FAM227B: variants seen among roughly 807,000 people sequenced by gnomAD.
The protein encoded by FAM227B is family with sequence similarity 227 member B.
A neutral mutation model predicts 73.8 loss-of-function variants in FAM227B; 88 were observed. The ratio of observed to expected loss-of-function variants is 1.19; its 90% CI spans 1.00 to 1.42. The LOEUF is 1.42. Ranked by LOEUF, FAM227B falls within the 40% of genes most tolerant of loss-of-function variation. The pLI is 0.00. For missense variants in FAM227B, 632 were observed against 590.9 expected (o/e 1.07, Z -0.72); for synonymous variants, 210 against 190.5 (o/e 1.10, Z -0.84).
In FAM227B at chr15:49,564,819, T is replaced by C. The variant is rs71467693; in HGVS notation, c.747+3426A>G. ...CATATAGATATAAAGATGAGAACAATAGACACTGGGGACTACTAGATAGAA... is the reference window on the plus strand; with the variant it reads ...CATATAGATATAAAGATGAGAACAACAGACACTGGGGACTACTAGATAGAA... On this transcript the variant is annotated intron_variant, in intron 9 of 15. Coordinates refer to ENST00000299338, the MANE Select transcript of FAM227B (RefSeq NM_152647.3). Among the ~76,000 whole-genome samples the C allele has an allele frequency of 4.5e-3, 683 of 151,804 alleles. 4 individuals carry two copies. The highest frequency in any genetic ancestry group is 9.7e-3 in the Admixed American group (148 of 15,218).
chr15:49,365,666 A>G, intron 13 of FAM227B: 1 of 1,044,380 alleles, frequency 9.6e-7, no homozygotes, highest in South Asian at 1.3e-5. Context: ...AGTATCACAC[A>G]TGACTTGAAG....
chr15:49,371,611 TATTCATTTATAAATAAATGAAATAAA>T (rs2045811217), intron 11 of FAM227B, among the ~76,000 whole-genome samples: 1 of 151,604 alleles, frequency 6.6e-6, no homozygotes, highest in Admixed American at 6.6e-5. Context: ...TTATTGTAAA[TATTCATTTATAAATAAATGAAATAAA>T]ATTCACTTAT....
At chr15:49,481,422 G>A (rs2055932840) in intron 11 of FAM227B, among the ~76,000 whole-genome samples, 1 of 152,180 alleles carries the variant, frequency 6.6e-6, no homozygotes, top group African/African-American at 2.4e-5. Flanking sequence ...CTGCAATGAA[G>A]TTGTAGTTAC....
chr15:49,331,909 T>A, intron 14 of FAM227B, 60 bp from the exon 15 acceptor site: 1 of 930,520 alleles, frequency 1.1e-6, no homozygotes, highest in Non-Finnish European at 1.8e-6. Context: ...TGACACCATC[T>A]AAATAGCCAA....
intron 10 of FAM227B, among the ~76,000 whole-genome samples, chr15:49,521,761 A>G (rs922435322): frequency 8.5e-5 from 13 of 152,066 alleles, no homozygotes; most frequent in African/African-American, 2.9e-4. Flanking sequence ...AAAGAACAGA[A>G]TCTATTTTAA....
chr15:49,590,420 T>G (rs1263736580), intron 3 of FAM227B, among the ~76,000 whole-genome samples: 1 of 152,224 alleles, frequency 6.6e-6, no homozygotes, highest in South Asian at 2.1e-4. Flanking sequence ...AATAAAAATG[T>G]TAAGTTTTGG....
chr15:49,363,312 G>C (rs1036704330), intron 13 of FAM227B, among the ~76,000 whole-genome samples: 13 of 152,032 alleles, frequency 8.6e-5, no homozygotes, highest in Admixed American at 7.9e-4. Context: ...GCAATGTTTT[G>C]TAATTCTTGT....
At position 49,498,951 on chromosome 15, in the gene FAM227B, G is replaced by A. The variant is rs886515301; in HGVS notation, c.1012+9260C>T. On this transcript the variant is annotated intron_variant, in intron 11 of 15. Transcript: ENST00000299338. ...GGAGGCCGAGGCGGGCGGATCACGA[G>A]GTCAGGAGATCGAGACCATCCCGGC... Among the ~76,000 whole-genome samples, 6 of 151,864 alleles carry A rather than the reference G, an allele frequency of 4.0e-5. No homozygotes were observed. In the East Asian group the frequency reaches 9.8e-4, roughly 25 times the overall value.
chr15:49,380,712 T>C (rs2046469641), intron 11 of FAM227B, among the ~76,000 whole-genome samples: 1 of 152,088 alleles, frequency 6.6e-6, no homozygotes, highest in Admixed American at 6.5e-5. Flanking sequence ...TTTTTCTACT[T>C]TATTTTTTTT....
intron 11 of FAM227B, among the ~76,000 whole-genome samples, chr15:49,499,516 C>T (rs942131101): frequency 7.2e-5 from 11 of 151,986 alleles, no homozygotes; most frequent in Admixed American, 3.9e-4. Context: ...TAAAGATGCC[C>T]GAGTATATAT....
chr15:49,356,426 T>C (rs978361715), intron 13 of FAM227B, among the ~76,000 whole-genome samples: 11 of 150,454 alleles, frequency 7.3e-5, no homozygotes, highest in Admixed American at 4.0e-4. Context: ...AAGGCAGGGG[T>C]TGCAATCCCA....
intron 14 of FAM227B, among the ~76,000 whole-genome samples, chr15:49,332,769 A>G (rs2039031823): frequency 6.6e-6 from 1 of 152,266 alleles, no homozygotes; most frequent in South Asian, 2.1e-4. Flanking sequence ...CAGCAAGTTT[A>G]GATGAGCTAT....
chr15:49,591,555 G>A (rs1284640601), intron 3 of FAM227B, among the ~76,000 whole-genome samples: 7 of 122,132 alleles, frequency 5.7e-5, no homozygotes, highest in African/African-American at 2.2e-4. Context: ...GCACGATCTT[G>A]GCTCGCCACA....
intron 11 of FAM227B, among the ~76,000 whole-genome samples, chr15:49,459,476 GAA>G (rs140309369): frequency 0.026 from 3,946 of 152,116 alleles, 184 homozygotes; most frequent in African/African-American, 0.091. Context: ...ATATAAGAGT[GAA>G]AAGAGATTTT....
At chr15:49,492,294 T>C (rs2057186665) in intron 11 of FAM227B, among the ~76,000 whole-genome samples, 1 of 151,896 alleles carries the variant, frequency 6.6e-6, no homozygotes, top group African/African-American at 2.4e-5. Flanking sequence ...CTTTTTGCTT[T>C]TGAAGTACTT....
chr15:49,351,640 G>C (rs907144887), intron 13 of FAM227B, among the ~76,000 whole-genome samples: 1 of 152,172 alleles, frequency 6.6e-6, no homozygotes, highest in African/African-American at 2.4e-5. Flanking sequence ...CAGCGTGTAG[G>C]AGGCTTATTT....
chr15:49,388,775 A>C (rs1426866388), intron 11 of FAM227B, among the ~76,000 whole-genome samples: 1 of 152,022 alleles, frequency 6.6e-6, no homozygotes, highest in Non-Finnish European at 1.5e-5. Flanking sequence ...CAAGGAACTC[A>C]AACAAATTAC....
chr15:49,380,000 G>C (rs1303362759), intron 11 of FAM227B, among the ~76,000 whole-genome samples: 1 of 152,192 alleles, frequency 6.6e-6, no homozygotes, highest in Non-Finnish European at 1.5e-5. Flanking sequence ...CAGGCCCTGG[G>C]TGGGTCCAGA....
intron 11 of FAM227B, among the ~76,000 whole-genome samples, chr15:49,394,097 C>A (rs1031218248): frequency 1.3e-5 from 2 of 152,120 alleles, no homozygotes; most frequent in African/African-American, 4.8e-5. Context: ...GTGGAATCAC[C>A]TTTGAGTAAC....
Sources: allele counts gnomAD v4.1 joint callset (sites outside exome capture counted in the v4.1 genomes callset), GRCh38; gene constraint gnomAD v4.1.1; transcripts MANE v1.5; gene names NCBI Gene and HGNC (gene_info 2026-07-23, HGNC 2026-07-21).